The following CCDC12 variants were observed in gnomAD, a reference collection of about 807,000 sequenced individuals.
CCDC12 encodes the protein coiled-coil domain-containing protein 12.
A neutral mutation model predicts 25.7 loss-of-function variants in CCDC12; 28 were observed. The observed-to-expected ratio is 1.09, with a 90% CI of 0.81 to 1.50. CCDC12 has a LOEUF of 1.50. Among genes scored for constraint, CCDC12 ranks in the 40% most tolerant of loss-of-function variants. CCDC12 has a pLI of 0.00. For synonymous variants in CCDC12, 75 were observed against 87.7 expected (o/e 0.86, Z 0.81); for missense variants, 198 against 210.0 (o/e 0.94, Z 0.35).
chr3:46,976,372 C>G (rs1387914362), intron 1 of CCDC12: 1 of 1,378,616 alleles, frequency 7.3e-7, no homozygotes, highest in South Asian at 1.6e-5. Context: ...ACCCGGGAAG[C>G]AGGAGTCAGA....
chr3:46,956,826 A>ACC (rs68074261), intron 1 of CCDC12, among the ~76,000 whole-genome samples: 3 of 23,626 alleles, frequency 1.3e-4, no homozygotes, highest in Non-Finnish European at 9.0e-4. Context: ...CACCACACCC[A>ACC]CCCCCCCAAA....
chr3:46,925,027 T>C, intron 3 of CCDC12: 1 of 352,624 alleles, frequency 2.8e-6, no homozygotes, highest in South Asian at 2.1e-5. Context: ...GCCTCAGTGC[T>C]CCACACTGCC....
chr3:46,923,677 T>A lies in CCDC12; in HGVS notation c.245-9A>T. 1 of 1,528,476 alleles carries A rather than the reference T, an allele frequency of 6.5e-7. No homozygotes were observed. Among genetic ancestry groups the A allele is most frequent in the Non-Finnish European group, 8.8e-7 (1 of 1,137,664 alleles). 94.7% of individuals were successfully genotyped at this position (1,528,476 alleles called of 1,614,324 possible). On this transcript the variant is annotated splice_polypyrimidine_tract_variant and intron_variant, in intron 3 of 6. Coordinates refer to ENST00000683445, the MANE Select transcript of CCDC12 (RefSeq NM_001277074.2). The stretch of plus-strand genomic sequence containing the variant: ...CTTCACCTTCTCCTCCACTAGAGGG[T>A]GCAATTAAACAGAGAAGGCCTGTGG...
upstream of CCDC12, among the ~76,000 whole-genome samples, chr3:46,981,054 C>T (rs1285075706): frequency 6.6e-6 from 1 of 152,200 alleles, no homozygotes; most frequent in Non-Finnish European, 1.5e-5. Flanking sequence ...GTGAGAGGTC[C>T]AGGCCCCAGC....
chr3:46,972,076 C>G lies in CCDC12; in HGVS notation c.96+4561G>C, dbSNP rs557143691. 6.4e-4 allele frequency among the ~76,000 whole-genome samples: 98 copies of G among 152,254 alleles called. 1 individual carries two copies. The South Asian group carries it at 0.014, about 22-fold the overall frequency. On this transcript the variant is annotated intron_variant, in intron 1 of 6. Coordinates refer to ENST00000683445, the MANE Select transcript of CCDC12 (RefSeq NM_001277074.2). ...ATTCACCTTAATAAAAAAAATCACT[C>G]AAGAACTATAGGGATTAAATATGAC... is the stretch of plus-strand genomic sequence containing the variant.
intron 1 of CCDC12, among the ~76,000 whole-genome samples, chr3:46,966,381 C>T (rs572675088): frequency 2.0e-5 from 3 of 152,132 alleles, no homozygotes; most frequent in Non-Finnish European, 4.4e-5. Context: ...GGCGCGGTGA[C>T]ACACACCTAT....
At chr3:46,943,616 G>A (rs564458181) in intron 1 of CCDC12, among the ~76,000 whole-genome samples, 7 of 152,302 alleles carry the variant, frequency 4.6e-5, no homozygotes, top group East Asian at 1.9e-4. Flanking sequence ...GCCCTTTCTC[G>A]GCTCTCAAGC....
chr3:46,942,579 G>C (rs2033752023), intron 1 of CCDC12, among the ~76,000 whole-genome samples: 1 of 152,170 alleles, frequency 6.6e-6, no homozygotes, highest in Non-Finnish European at 1.5e-5. Flanking sequence ...GAGACTGCAG[G>C]CATCAACCAG....
chr3:46,941,624 T>C (rs1230680324), intron 1 of CCDC12, among the ~76,000 whole-genome samples: 1 of 151,424 alleles, frequency 6.6e-6, no homozygotes, highest in Non-Finnish European at 1.5e-5. Context: ...AGGTACCTGG[T>C]AGCCCTTAGA....
Position 46,921,966 on chromosome 3 carries a change from TG to T in CCDC12, c.*90del. 1 of 1,386,780 alleles carries T rather than the reference TG, an allele frequency of 7.2e-7. No individual in the cohort carries two copies. The highest frequency in any genetic ancestry group is 1.0e-6 in the Non-Finnish European group (1 of 988,938). The allele number at this position is 1,386,780 out of a possible 1,614,324, so 85.9% of individuals were successfully genotyped here. A position where few individuals can be genotyped will look rare whatever the true frequency, so the allele number is the denominator to read the frequency against. ...GGGAGTCTCTGCTCAGAAGCCAAAC[TG>T]GAGGTGATGGCAAGCCTAGCCCCCA... On this transcript the variant is annotated 3_prime_UTR_variant, in exon 7 of 7. Transcript: ENST00000683445.
At chr3:46,940,708 G>A (rs1242480578) in intron 2 of CCDC12, 7 of 400,608 alleles carry the variant, frequency 1.7e-5, no homozygotes, top group East Asian at 8.6e-5. Flanking sequence ...GGAGAACCAC[G>A]CCACAAAAGG....
upstream of CCDC12, among the ~76,000 whole-genome samples, chr3:46,977,811 C>T (rs958401124): frequency 2.0e-5 from 3 of 152,234 alleles, no homozygotes; most frequent in African/African-American, 7.2e-5. Flanking sequence ...CAATCCCCAG[C>T]TTAGAAAGAC....
At chr3:46,978,202 C>G (rs2035064891), upstream of CCDC12, among the ~76,000 whole-genome samples, 1 of 152,208 alleles carries the variant, frequency 6.6e-6, no homozygotes, top group South Asian at 2.1e-4. Context: ...CCTCACTAAC[C>G]TGGGTCTGTC....
chr3:46,951,140 A>T (rs1334087333), intron 1 of CCDC12, among the ~76,000 whole-genome samples: 2 of 152,198 alleles, frequency 1.3e-5, no homozygotes. Flanking sequence ...ATCTCAAAAA[A>T]ATTAAAAATT....
At chr3:46,978,927 G>C (rs1382857131), upstream of CCDC12, among the ~76,000 whole-genome samples, 2 of 152,150 alleles carry the variant, frequency 1.3e-5, no homozygotes, top group Non-Finnish European at 2.9e-5. Context: ...AGATTGCAGT[G>C]AGCCGAGATC....
At chr3:46,943,903 C>T (rs1396599560) in intron 1 of CCDC12, among the ~76,000 whole-genome samples, 2 of 152,188 alleles carry the variant, frequency 1.3e-5, no homozygotes, top group East Asian at 3.8e-4. Context: ...GAACAGGCCA[C>T]ACAAGTGGGG....
At chr3:46,939,365 G>C (rs1362902658) in intron 2 of CCDC12, among the ~76,000 whole-genome samples, 1 of 151,914 alleles carries the variant, frequency 6.6e-6, no homozygotes, top group Non-Finnish European at 1.5e-5. Context: ...GGAGGGGGAG[G>C]GGTGGGGATC....
chr3:46,980,013 C>G (rs1321844823), upstream of CCDC12: 3 of 33,944 alleles, frequency 8.8e-5, no homozygotes, highest in African/African-American at 2.0e-4. Context: ...GCTGGGGCCG[C>G]GTAGCCGCGC....
chr3:46,960,565 A>G (rs1311270902), intron 1 of CCDC12, among the ~76,000 whole-genome samples: 7 of 152,234 alleles, frequency 4.6e-5, no homozygotes, highest in Admixed American at 4.6e-4. Flanking sequence ...CCCTGAATCA[A>G]AACAGCCCAG....
Sources: gnomAD v4.1 joint callset for allele counts (sites outside exome capture counted in the v4.1 genomes callset) on GRCh38, gnomAD v4.1.1 for gene constraint, MANE v1.5 for transcripts, NCBI Gene and HGNC (gene_info 2026-07-23, HGNC 2026-07-21) for gene names.